ANGPT1: variants seen among roughly 807,000 people sequenced by gnomAD.
ANGPT1 encodes angiopoietin-1.
In ANGPT1, 17 loss-of-function variants were observed where a neutral mutation model predicts 62.2. The ratio of observed to expected loss-of-function variants is 0.27; its 90% CI spans 0.19 to 0.41. The LOEUF (loss-of-function observed/expected upper bound fraction) is 0.41, where lower values mean the gene tolerates loss of function less well. Among genes scored for constraint, ANGPT1 ranks in the 10% least tolerant of loss-of-function variants. The pLI is 1.00. For synonymous variants in ANGPT1, 199 were observed against 198.9 expected (o/e 1.00, Z 0.00); for missense variants, 478 against 594.9 (o/e 0.80, Z 2.04).
intron 1 of ANGPT1, among the ~76,000 whole-genome samples, chr8:107,475,480 A>G (rs1812493326): frequency 6.6e-6 from 1 of 152,156 alleles, no homozygotes; most frequent in Non-Finnish European, 1.5e-5. Flanking sequence ...AACCATAAAA[A>G]CCCTAGAAGA....
chr8:107,497,362 G>C lies in ANGPT1; in HGVS notation c.197C>G (p.Ala66Gly). ...CACGTGTGGAGCATCTCTCTGCAGAGCGTTTGTGTTGTACTGGTCTGTCGT... is the reference window on the plus strand; with the variant it reads ...CACGTGTGGAGCATCTCTCTGCAGACCGTTTGTGTTGTACTGGTCTGTCGT... Reference protein sequence around the residue: ...ESTTDQYNTNALQRDAPHVEP... With the variant: ...ESTTDQYNTNGLQRDAPHVEP... The change falls in exon 1 of 9, where the codon GCT becomes GGT. Residue 66 changes from alanine (A) to glycine (G), a missense_variant. Coordinates refer to ENST00000517746, the MANE Select transcript of ANGPT1 (RefSeq NM_001146.5). 4 of 1,614,188 alleles carry C rather than the reference G, an allele frequency of 2.5e-6. No individual in the cohort carries two copies. Among genetic ancestry groups the C allele is most frequent in the South Asian group, 1.1e-5 (1 of 91,084 alleles).
chr8:107,436,406 T>G (rs1811334999), intron 1 of ANGPT1, among the ~76,000 whole-genome samples: 1 of 152,248 alleles, frequency 6.6e-6, no homozygotes, highest in Non-Finnish European at 1.5e-5. Context: ...TATGTTCTTT[T>G]GGGCTTTGGT....
intron 1 of ANGPT1, among the ~76,000 whole-genome samples, chr8:107,446,181 T>G (rs1238367118): frequency 6.6e-6 from 1 of 152,188 alleles, no homozygotes; most frequent in Non-Finnish European, 1.5e-5. Flanking sequence ...CTTCCCAGAG[T>G]GCTGGGATTA....
intron 5 of ANGPT1, among the ~76,000 whole-genome samples, chr8:107,295,838 A>T (rs1047196375): frequency 6.6e-6 from 1 of 152,172 alleles, no homozygotes; most frequent in Non-Finnish European, 1.5e-5. Context: ...ATTGCTATTA[A>T]CAATGACATG....
chr8:107,370,606 G>C (rs1434483661), intron 1 of ANGPT1, among the ~76,000 whole-genome samples: 2 of 150,534 alleles, frequency 1.3e-5, no homozygotes, highest in Non-Finnish European at 3.0e-5. Flanking sequence ...AGGAGGCTGA[G>C]GCAAGGGAAT....
At chr8:107,486,890 G>A (rs1812829145) in intron 1 of ANGPT1, among the ~76,000 whole-genome samples, 1 of 152,178 alleles carries the variant, frequency 6.6e-6, no homozygotes, top group African/African-American at 2.4e-5. Context: ...GGGTTTTAGT[G>A]AATTTCTTAC....
intron 6 of ANGPT1, among the ~76,000 whole-genome samples, chr8:107,286,260 A>G (rs1367136264): frequency 6.6e-6 from 1 of 152,202 alleles, no homozygotes; most frequent in Non-Finnish European, 1.5e-5. Context: ...TGTTATGCAA[A>G]TAAGTTAAAT....
intron 1 of ANGPT1, among the ~76,000 whole-genome samples, chr8:107,457,703 G>T (rs943871150): frequency 1.3e-5 from 2 of 151,698 alleles, no homozygotes; most frequent in African/African-American, 4.8e-5. Context: ...TTAATATTTG[G>T]ATAAGGCTCT....
chr8:107,473,852 T>A (rs1416861717), intron 1 of ANGPT1, among the ~76,000 whole-genome samples: 1 of 152,020 alleles, frequency 6.6e-6, no homozygotes, highest in Non-Finnish European at 1.5e-5. Context: ...AACCTGCAAA[T>A]GCATAGGGAT....
chr8:107,439,737 G>C (rs945891480), intron 1 of ANGPT1, among the ~76,000 whole-genome samples: 1 of 152,136 alleles, frequency 6.6e-6, no homozygotes, highest in African/African-American at 2.4e-5. Flanking sequence ...CTGCTCAAAA[G>C]GATTTGAATA....
intron 8 of ANGPT1, among the ~76,000 whole-genome samples, chr8:107,261,821 T>C (rs1482132405): frequency 6.6e-6 from 1 of 152,002 alleles, no homozygotes; most frequent in Non-Finnish European, 1.5e-5. Context: ...TCAACATAGG[T>C]GGCATGGATG....
intron 1 of ANGPT1, among the ~76,000 whole-genome samples, chr8:107,406,258 G>A (rs1425561226): frequency 6.6e-6 from 1 of 151,496 alleles, no homozygotes; most frequent in Non-Finnish European, 1.5e-5. Context: ...ATTCATGAAA[G>A]CTCTTTACAT....
At chr8:107,354,496 C>T (rs1815999625) in intron 1 of ANGPT1, among the ~76,000 whole-genome samples, 1 of 152,116 alleles carries the variant, frequency 6.6e-6, no homozygotes, top group Non-Finnish European at 1.5e-5. Flanking sequence ...TCTCAAACTC[C>T]TTGATTTAAA....
chr8:107,343,968 G>C (rs1402551195), intron 2 of ANGPT1, among the ~76,000 whole-genome samples: 1 of 152,062 alleles, frequency 6.6e-6, no homozygotes, highest in Non-Finnish European at 1.5e-5. Context: ...AGGCTGGAGT[G>C]GGAGGATCAC....
intron 1 of ANGPT1, among the ~76,000 whole-genome samples, chr8:107,484,301 AG>A (rs1483792846): frequency 6.6e-6 from 1 of 152,220 alleles, no homozygotes; most frequent in Non-Finnish European, 1.5e-5. Flanking sequence ...TTATCTGTAA[AG>A]TGGGTTTGAT....
chr8:107,437,334 G>A (rs1050551947), intron 1 of ANGPT1, among the ~76,000 whole-genome samples: 12 of 152,102 alleles, frequency 7.9e-5, no homozygotes, highest in East Asian at 1.9e-4. Context: ...ACAAAAATCC[G>A]TAGGTCTAGC....
intron 2 of ANGPT1, among the ~76,000 whole-genome samples, chr8:107,343,619 GA>G (rs1815742552): frequency 6.6e-6 from 1 of 152,218 alleles, no homozygotes; most frequent in African/African-American, 2.4e-5. Flanking sequence ...TTAAGGCCAT[GA>G]GGAAGGGCTC....
Position 107,330,163 on chromosome 8 carries a change from T to C in ANGPT1, c.575+5987A>G, listed in dbSNP as rs117518306. Reference sequence around the variant, plus strand: ...AGTGTCATACTAACAACTAACATGATTAAACACTGCTGCTCATGTCAGGCA... The same window carrying C: ...AGTGTCATACTAACAACTAACATGACTAAACACTGCTGCTCATGTCAGGCA... On this transcript the variant is annotated intron_variant, in intron 3 of 8. Coordinates refer to ENST00000517746, the MANE Select transcript of ANGPT1 (RefSeq NM_001146.5). Among the ~76,000 whole-genome samples the C allele has an allele frequency of 4.9e-4, 75 of 152,298 alleles. 1 individual carries two copies. In the East Asian group the frequency reaches 0.014, roughly 29 times the overall value.
intron 7 of ANGPT1, among the ~76,000 whole-genome samples, chr8:107,280,082 G>A (rs1486892497): frequency 1.3e-5 from 2 of 152,070 alleles, no homozygotes; most frequent in Non-Finnish European, 2.9e-5. Flanking sequence ...GGATTCTGAG[G>A]GGCTCTTCAG....
Sources: gnomAD v4.1 joint callset for allele counts (sites outside exome capture counted in the v4.1 genomes callset) on GRCh38, gnomAD v4.1.1 for gene constraint, MANE v1.5 for transcripts, NCBI Gene and HGNC (gene_info 2026-07-23, HGNC 2026-07-21) for gene names.